CSMD3: variants seen among roughly 807,000 people sequenced by gnomAD.
The protein encoded by CSMD3 is CUB and sushi domain-containing protein 3.
In CSMD3, 177 loss-of-function variants were observed where a neutral mutation model predicts 435.2. The observed-to-expected ratio is 0.41, with a 90% CI of 0.36 to 0.46. The LOEUF (loss-of-function observed/expected upper bound fraction) is 0.46. CSMD3 is among the 20% of genes least tolerant of loss of function. The probability of loss-of-function intolerance (pLI) is 0.34; values close to 1 mark genes in which losing one functional copy is unlikely to be tolerated. For missense variants in CSMD3, 4,265 were observed against 4,504.6 expected (o/e 0.95, Z 1.52); for synonymous variants, 1,656 against 1,520.5 (o/e 1.09, Z -2.07).
intron 10 of CSMD3, among the ~76,000 whole-genome samples, chr8:112,906,806 TTTTG>T (rs1369205088): frequency 6.6e-6 from 1 of 151,538 alleles, no homozygotes; most frequent in East Asian, 2.0e-4. Context: ...TGATCAACCT[TTTTG>T]TTTGTCTTTA....
intron 1 of CSMD3, among the ~76,000 whole-genome samples, chr8:113,341,923 T>C (rs2094121728): frequency 6.6e-6 from 1 of 152,136 alleles, no homozygotes; most frequent in African/African-American, 2.4e-5. Context: ...ATAGTTTTGC[T>C]TTTCTGAGCT....
rs551273079 is a variant in CSMD3, at chr8:112,859,856, A to G, written c.1634-590T>C. 7.2e-5 allele frequency among the ~76,000 whole-genome samples: 11 copies of G among 151,926 alleles called. No individual in the cohort carries two copies. In the South Asian group the frequency reaches 1.9e-3, roughly 26 times the overall value. ...AACCCATCTTTCTTCTACTTAATAA[A>G]TGAGCTAGTGACCATACTGTTTCTG... On this transcript the variant is annotated intron_variant, in intron 10 of 70. Transcript: ENST00000297405.
chr8:112,494,326 C>CT (rs1211732992), intron 30 of CSMD3, among the ~76,000 whole-genome samples: 3 of 7,714 alleles, frequency 3.9e-4, no homozygotes, highest in African/African-American at 1.2e-3. Context: ...TCCTTTCTTT[C>CT]TTCCTTTCTT....
At chr8:112,687,682 T>C (rs2076042081) in intron 14 of CSMD3, among the ~76,000 whole-genome samples, 1 of 152,150 alleles carries the variant, frequency 6.6e-6, no homozygotes, top group South Asian at 2.1e-4. Context: ...ATTTTATGAG[T>C]TGAACTGAAG....
chr8:112,779,555 C>T (rs2078331277), intron 13 of CSMD3, among the ~76,000 whole-genome samples: 1 of 152,102 alleles, frequency 6.6e-6, no homozygotes, highest in South Asian at 2.1e-4. Flanking sequence ...ATTCAGCCAT[C>T]TTCAGCCCAT....
chr8:113,012,272 T>C (rs1299377250), intron 6 of CSMD3, among the ~76,000 whole-genome samples: 1 of 151,802 alleles, frequency 6.6e-6, no homozygotes, highest in Non-Finnish European at 1.5e-5. Context: ...ATATACTCAG[T>C]AAAAATTAAA....
chr8:112,449,606 T>G (rs915611281), intron 32 of CSMD3, among the ~76,000 whole-genome samples: 2 of 152,194 alleles, frequency 1.3e-5, no homozygotes, highest in Non-Finnish European at 2.9e-5. Context: ...TAATGTGCAA[T>G]CATATCATGT....
At chr8:112,557,527 G>A (rs951760357) in intron 24 of CSMD3, among the ~76,000 whole-genome samples, 5 of 151,950 alleles carry the variant, frequency 3.3e-5, no homozygotes, top group African/African-American at 4.8e-5. Context: ...ATACATCTCC[G>A]TGGAGGGGAG....
chr8:113,182,689 T>A (rs1458628206), intron 3 of CSMD3, among the ~76,000 whole-genome samples: 1 of 152,066 alleles, frequency 6.6e-6, no homozygotes, highest in Non-Finnish European at 1.5e-5. Context: ...GGACTCAGTT[T>A]GTTTTCCAAC....
At chr8:113,396,903 A>G (rs930381988) in intron 1 of CSMD3, among the ~76,000 whole-genome samples, 6 of 152,160 alleles carry the variant, frequency 3.9e-5, no homozygotes, top group Non-Finnish European at 7.4e-5. Context: ...CAAGCTATAT[A>G]ACAGGGATTT....
intron 13 of CSMD3, among the ~76,000 whole-genome samples, chr8:112,758,804 A>G (rs1417160670): frequency 3.3e-5 from 5 of 152,192 alleles, no homozygotes; most frequent in Admixed American, 3.3e-4. Context: ...TCACACATGA[A>G]AAGTGTTTGA....
chr8:112,576,329 A>C (rs1450376363), intron 23 of CSMD3, among the ~76,000 whole-genome samples: 1 of 152,066 alleles, frequency 6.6e-6, no homozygotes, highest in Non-Finnish European at 1.5e-5. Context: ...AATTTTTCCT[A>C]TATATAACAA....
At chr8:112,397,599 T>C (rs1335085619) in intron 35 of CSMD3, among the ~76,000 whole-genome samples, 1 of 152,112 alleles carries the variant, frequency 6.6e-6, no homozygotes, top group Non-Finnish European at 1.5e-5. Flanking sequence ...AGGGCCCCTT[T>C]CCTGGATTAT....
At chr8:112,492,228 C>T (rs570801233) in intron 31 of CSMD3, among the ~76,000 whole-genome samples, 5 of 152,276 alleles carry the variant, frequency 3.3e-5, no homozygotes, top group South Asian at 2.1e-4. Flanking sequence ...ATTAGCATAA[C>T]AGGCAGTAAC....
intron 7 of CSMD3, among the ~76,000 whole-genome samples, chr8:112,965,541 C>A (rs1379338897): frequency 6.6e-6 from 1 of 151,824 alleles, no homozygotes; most frequent in Non-Finnish European, 1.5e-5. Context: ...ATCAGAAATT[C>A]TTAAAATCTT....
At chr8:112,399,807 A>G (rs1563895880) in intron 35 of CSMD3, among the ~76,000 whole-genome samples, 1 of 152,132 alleles carries the variant, frequency 6.6e-6, no homozygotes, top group African/African-American at 2.4e-5. Flanking sequence ...CCTCATTTCC[A>G]TCTAAGGATT....
chr8:113,376,740 G>A (rs1475121138), intron 1 of CSMD3: 2 of 1,613,974 alleles, frequency 1.2e-6, no homozygotes, highest in Admixed American at 1.7e-5. Flanking sequence ...ATATCTACCT[G>A]AGGCTGTCTG....
At chr8:112,874,488 T>C (rs2081224772) in intron 10 of CSMD3, among the ~76,000 whole-genome samples, 1 of 151,982 alleles carries the variant, frequency 6.6e-6, no homozygotes, top group Non-Finnish European at 1.5e-5. Flanking sequence ...ATTAATCTAA[T>C]ATTGGCAGTG....
chr8:112,226,247 ACT>A (rs1211664082), intron 70 of CSMD3, among the ~76,000 whole-genome samples: 3 of 152,098 alleles, frequency 2.0e-5, no homozygotes, highest in Non-Finnish European at 4.4e-5. Context: ...TAATACTATA[ACT>A]CTACTGGATC....
Sources: allele counts gnomAD v4.1 joint callset (sites outside exome capture counted in the v4.1 genomes callset), GRCh38; gene constraint gnomAD v4.1.1; transcripts MANE v1.5; gene names NCBI Gene and HGNC (gene_info 2026-07-23, HGNC 2026-07-21).